Variants in OXA1L observed in about 807,000 individuals in gnomAD.
The protein encoded by OXA1L is OXA1L mitochondrial inner membrane insertase.
Under a neutral mutation model 52.2 loss-of-function variants are expected in OXA1L, and 42 were observed. The ratio of observed to expected loss-of-function variants is 0.80; its 90% CI spans 0.63 to 1.04. The LOEUF (loss-of-function observed/expected upper bound fraction) is 1.04, where lower values mean the gene tolerates loss of function less well. OXA1L is among the 50% of genes least tolerant of loss of function. The pLI is 0.00. For missense variants in OXA1L, 572 were observed against 555.0 expected, an observed-to-expected ratio of 1.03 and a Z score of -0.31; for synonymous variants, 239 against 201.9, an observed-to-expected ratio of 1.18 and a Z score of -1.56.
At chr14:22,767,459 GT>G in intron 2 of OXA1L, 50 bp downstream of exon 2, 1 of 1,522,832 alleles carries the variant, frequency 6.6e-7, no homozygotes, top group Non-Finnish European at 8.9e-7. Context: ...TTCCTGGTTG[GT>G]TTCATATTTT....
chr14:22,773,008 A>G lies in OXA1L; in HGVS notation c.*1450A>G, dbSNP rs1330864294. On this transcript the variant is annotated 3_prime_UTR_variant, in exon 10 of 10. Transcript: ENST00000612549. Reference sequence around the variant, plus strand: ...CTGTCTCAAAAAGGAAGTTCATGTCATTTTTATGTAACAATCCAACATTTG... The same window carrying G: ...CTGTCTCAAAAAGGAAGTTCATGTCGTTTTTATGTAACAATCCAACATTTG... 2 of 259,112 alleles carry G rather than the reference A, an allele frequency of 7.7e-6. No homozygotes were observed. The highest frequency in any genetic ancestry group is 2.0e-4 in the East Asian group (2 of 9,912). 16.1% of individuals were successfully genotyped at this position (259,112 alleles called of 1,614,324 possible). A position where few individuals can be genotyped will look rare whatever the true frequency, so the allele number is the denominator to read the frequency against.
intron 1 of OXA1L, 115 bp downstream of exon 1, chr14:22,766,879 A>G (rs1404770337): frequency 1.9e-6 from 3 of 1,554,388 alleles, no homozygotes; most frequent in Non-Finnish European, 1.7e-6. Context: ...CGGGACCTGA[A>G]TGTCATGACC....
intron 2 of OXA1L, 89 bp downstream of exon 2, chr14:22,767,498 G>A: frequency 2.6e-6 from 3 of 1,175,120 alleles, no homozygotes; most frequent in South Asian, 3.0e-5. Flanking sequence ...GGGGAATATG[G>A]AGCAGAGTTC....
Position 22,770,476 on chromosome 14 carries a change from T to C in OXA1L, c.685T>C (p.Ser229Pro). The C allele has an allele frequency of 6.2e-7, 1 of 1,613,698 alleles. No homozygotes were observed. The highest frequency in any genetic ancestry group is 8.5e-7 in the Non-Finnish European group (1 of 1,179,638). ...LPVTQAPIFI[S>P]FFIALREMAN... ...TGTGTAATAGGCCCCAATCTTCATC[T>C]CCTTCTTCATTGCTTTGAGAGAGAT... is the stretch of plus-strand genomic sequence containing the variant. Residue 229 changes from serine to proline, a missense_variant, in exon 6 of 10, where the codon TCC becomes CCC. Around this residue, in one of 5 missense-constraint regions of OXA1L, gnomAD observed 132 missense variants for 124.0 expected, o/e 1.06. Transcript: ENST00000612549.
rs757489792 is a variant in OXA1L at position 22,769,837 on chromosome 14, C to T, written c.486C>T (p.Gly162=). 6.2e-7 allele frequency: 1 copy of T among 1,614,164 alleles called. No homozygotes were observed. The highest frequency in any genetic ancestry group is 8.5e-7 in the Non-Finnish European group (1 of 1,180,004). Residue 162 remains glycine (G), a synonymous_variant, in exon 4 of 10, where the codon GGC becomes GGT. Transcript: ENST00000612549. ...RCLIFPLIVT[G]QREAARIHNH... is the part of the protein sequence containing the mutation. Reference sequence around the variant, plus strand: ...TGATTTTTCCTCTCATCGTGACGGGCCAGCGAGAGGCAGCCAGGATCCACA... The same window carrying T: ...TGATTTTTCCTCTCATCGTGACGGGTCAGCGAGAGGCAGCCAGGATCCACA...
At position 22,770,396 on chromosome 14, in the gene OXA1L, G is replaced by A. The variant is rs571452974; in HGVS notation, c.670-65G>A. The A allele has an allele frequency of 1.7e-4, 273 of 1,581,624 alleles. 2 individuals carry two copies. In the South Asian group the frequency reaches 2.3e-3, roughly 13 times the overall value. On this transcript the variant is annotated intron_variant, in intron 5 of 9. Transcript: ENST00000612549. Reference sequence around the variant, plus strand: ...GGTGGTGGATTATACATGGCTTTCAGTAGTGGGGTGATGAAAATGTTCTCT... The same window carrying A: ...GGTGGTGGATTATACATGGCTTTCAATAGTGGGGTGATGAAAATGTTCTCT...
chr14:22,767,183 G>A, intron 1 of OXA1L, 65 bp from the exon 2 acceptor site: 1 of 1,565,770 alleles, frequency 6.4e-7, no homozygotes, highest in Admixed American at 1.8e-5. Context: ...AATGAATCCC[G>A]TTTGCACCCA....
chr14:22,770,341 C>T, intron 5 of OXA1L, 63 bp downstream of exon 5: 3 of 1,520,182 alleles, frequency 2.0e-6, no homozygotes, highest in Non-Finnish European at 2.7e-6. Context: ...CTCTGTGTTT[C>T]ATGTGTCCCA....
rs1951027135 is a variant in OXA1L, at chr14:22,772,503, A to AAC, written c.*946_*947insCA. The AAC allele has an allele frequency of 2.1e-5, 3 of 140,444 alleles. No individual in the cohort carries two copies. Among genetic ancestry groups the AAC allele is most frequent in the African/African-American group, 8.2e-5 (3 of 36,434 alleles). 8.7% of individuals were successfully genotyped at this position (140,444 alleles called of 1,614,324 possible). The stretch of plus-strand genomic sequence containing the variant: ...GACTCCTTCTCAAAAAAAAAAAAAA[A>AAC]AAAAAAAAAAAAAAAACAGTTTAAA... On this transcript the variant is annotated 3_prime_UTR_variant, in exon 10 of 10. Transcript: ENST00000612549.
intron 3 of OXA1L, chr14:22,768,488 C>T: frequency 3.0e-6 from 1 of 335,334 alleles, no homozygotes; most frequent in Non-Finnish European, 5.7e-6. Context: ...ACTTAAACCC[C>T]TAAATTGGGA....
intron 6 of OXA1L, 62 bp from the exon 7 acceptor site, chr14:22,770,743 T>G (rs2139375668): frequency 3.9e-6 from 6 of 1,553,674 alleles, no homozygotes; most frequent in South Asian, 1.1e-5. Context: ...GGTAAGAGAT[T>G]AGAGACAGAT....
chr14:22,772,951 C>G lies in OXA1L; in HGVS notation c.*1393C>G, dbSNP rs959607423. The G allele has an allele frequency of 4.4e-6, 1 of 229,426 alleles. No individual in the cohort carries two copies. The allele number at this position is 229,426 out of a possible 1,614,324, so 14.2% of individuals were successfully genotyped here. A position where few individuals can be genotyped will look rare whatever the true frequency, so the allele number is the denominator to read the frequency against. ...GCTGCAGTGATCCAAGATCATGCTG[C>G]TATACTCCAGCCTTGGCTACAGAGC... is the stretch of plus-strand genomic sequence containing the variant. On this transcript the variant is annotated 3_prime_UTR_variant, in exon 10 of 10. Transcript: ENST00000612549.
At chr14:22,769,768 C>T in intron 3 of OXA1L, 23 bp from the exon 4 acceptor site, 1 of 1,613,822 alleles carries the variant, frequency 6.2e-7, no homozygotes, top group Admixed American at 1.7e-5. Flanking sequence ...AATTTCACTC[C>T]AATCCTAGTT....
chr14:22,769,733 A>C (rs2038440811), intron 3 of OXA1L, 58 bp from the exon 4 acceptor site: 2 of 1,598,648 alleles, frequency 1.3e-6, no homozygotes, highest in Non-Finnish European at 1.7e-6. Flanking sequence ...AAAAGCCTTC[A>C]ACCTTCTAGC....
In OXA1L at chr14:22,766,723, G is replaced by A. The variant is rs774375683; in HGVS notation, c.22G>A (p.Gly8Arg). The A allele has an allele frequency of 1.9e-6, 3 of 1,614,114 alleles. No individual in the cohort carries two copies. Among genetic ancestry groups the A allele is most frequent in the East Asian group, 4.5e-5 (2 of 44,888 alleles). The change falls in exon 1 of 10, where the codon GGA (glycine) becomes AGA (arginine). Residue 8 changes from glycine (G) to arginine (R), a missense_variant. Transcript: ENST00000612549. MAMGLMC[G>R]RRELLRLLQS... ...CAAAATGGCGATGGGACTAATGTGC[G>A]GACGCCGGGAGCTTCTGCGCTTGCT...
chr14:22,767,480 G>A, intron 2 of OXA1L, 71 bp downstream of exon 2: 2 of 1,342,542 alleles, frequency 1.5e-6, no homozygotes, highest in South Asian at 2.8e-5. Context: ...TGTTTTGTTT[G>A]GGAGCAGGGG....
chr14:22,771,779 A>G lies in OXA1L; in HGVS notation c.*221A>G, dbSNP rs1566435930. The G allele has an allele frequency of 1.8e-6, 1 of 554,030 alleles. No homozygotes were observed. Among genetic ancestry groups the G allele is most frequent in the East Asian group, 3.0e-5 (1 of 33,062 alleles). 34.3% of individuals were successfully genotyped at this position (554,030 alleles called of 1,614,324 possible). On this transcript the variant is annotated 3_prime_UTR_variant, in exon 10 of 10. Coordinates refer to ENST00000612549, the MANE Select transcript of OXA1L (RefSeq NM_005015.5). ...ATTCACAGAGTTAGTAAACCTCTGT[A>G]CTACATGCTGCTTCCTGATACTTAT...
In OXA1L at chr14:22,772,662, T is replaced by G. The variant is rs1021259172; in HGVS notation, c.*1104T>G. On this transcript the variant is annotated 3_prime_UTR_variant, in exon 10 of 10. Transcript: ENST00000612549. ...TGATCCCAAGATTACTTTAAAAATTTCAAGAAGTAGATGTGTGCAAATTCT... is the reference window on the plus strand; with the variant it reads ...TGATCCCAAGATTACTTTAAAAATTGCAAGAAGTAGATGTGTGCAAATTCT... 1.3e-5 allele frequency: 2 copies of G among 152,284 alleles called. No individual in the cohort carries two copies. Among genetic ancestry groups the G allele is most frequent in the Non-Finnish European group, 2.9e-5 (2 of 68,140 alleles). 9.4% of individuals were successfully genotyped at this position (152,284 alleles called of 1,614,324 possible).
rs771090345 is a variant in OXA1L at position 22,770,519 on chromosome 14, C to G, written c.728C>G (p.Pro243Arg). 6.2e-7 allele frequency: 1 copy of G among 1,614,182 alleles called. No homozygotes were observed. Among genetic ancestry groups the G allele is most frequent in the Non-Finnish European group, 8.5e-7 (1 of 1,180,010 alleles). Residue 243 changes from proline to arginine, a missense_variant, in exon 6 of 10, where the codon CCC (proline) becomes CGC (arginine). Physicochemically the swap from Pro to Arg is moderately radical, Grantham distance 103. Transcript: ENST00000612549. Reference protein sequence around the residue: ...ALREMANLPVPSLQTGGLWWF... With the variant: ...ALREMANLPVRSLQTGGLWWF... ...AGAGAGATGGCCAACCTTCCTGTGC[C>G]CAGCCTGCAGACAGGTGGCCTCTGG...
Sources: allele counts gnomAD v4.1 joint callset, GRCh38; gene constraint gnomAD v4.1.1; regional missense constraint gnomAD v4.1.1; transcripts MANE v1.5; gene names NCBI Gene and HGNC (gene_info 2026-07-23, HGNC 2026-07-21).